Variants in DENND2C observed in about 807,000 individuals in gnomAD.
DENND2C encodes the protein DENN domain-containing protein 2C.
Under a neutral mutation model 112.4 loss-of-function variants are expected in DENND2C, and 72 were observed. The ratio of observed to expected loss-of-function variants is 0.64; its 90% CI spans 0.53 to 0.78. The LOEUF (loss-of-function observed/expected upper bound fraction) is 0.78, where lower values mean the gene tolerates loss of function less well. Among genes scored for constraint, DENND2C ranks in the 30% least tolerant of loss-of-function variants. The probability of loss-of-function intolerance (pLI) is 0.00; values close to 1 mark genes in which losing one functional copy is unlikely to be tolerated. For synonymous variants in DENND2C, 329 were observed against 381.6 expected, an observed-to-expected ratio of 0.86 and a Z score of 1.61; for missense variants, 992 against 1,113.8, an observed-to-expected ratio of 0.89 and a Z score of 1.56.
intron 3 of DENND2C, among the ~76,000 whole-genome samples, chr1:114,627,339 G>A (rs1656372108): frequency 6.6e-6 from 1 of 152,172 alleles, no homozygotes; most frequent in Non-Finnish European, 1.5e-5. Flanking sequence ...TCCTGAGGCA[G>A]GGATCATCCT....
At chr1:114,602,259 A>G (rs1343202385) in intron 11 of DENND2C, 65 bp from the exon 12 acceptor site, 1 of 1,515,532 alleles carries the variant, frequency 6.6e-7, no homozygotes, top group African/African-American at 1.4e-5. Context: ...TCCATGGAAC[A>G]AACAATTGAA....
chr1:114,633,455 A>G (rs1475639152), intron 3 of DENND2C, among the ~76,000 whole-genome samples: 18 of 150,320 alleles, frequency 1.2e-4, no homozygotes, highest in Middle Eastern at 3.4e-3. Flanking sequence ...AAAAAAAAAA[A>G]AAAAAAAGAA....
intron 8 of DENND2C, among the ~76,000 whole-genome samples, chr1:114,616,128 G>A (rs746759181): frequency 6.6e-6 from 1 of 151,866 alleles, no homozygotes; most frequent in Admixed American, 6.6e-5. Context: ...GGTGGCTCAT[G>A]CCTGTAATCC....
At chr1:114,596,885 A>T (rs907859238) in intron 16 of DENND2C, among the ~76,000 whole-genome samples, 1 of 152,164 alleles carries the variant, frequency 6.6e-6, no homozygotes, top group Middle Eastern at 3.2e-3. Flanking sequence ...ACTTCACATT[A>T]TACACACAAA....
intron 9 of DENND2C, among the ~76,000 whole-genome samples, chr1:114,610,545 C>T (rs1467050239): frequency 6.6e-6 from 1 of 151,942 alleles, no homozygotes; most frequent in Non-Finnish European, 1.5e-5. Context: ...ACTAAAAATA[C>T]AAAAATTAGC....
At chr1:114,626,802 G>A (rs1225613334) in intron 3 of DENND2C, among the ~76,000 whole-genome samples, 2 of 151,814 alleles carry the variant, frequency 1.3e-5, no homozygotes, top group Non-Finnish European at 2.9e-5. Context: ...ATGAGGTACC[G>A]CACCCAGGCA....
chr1:114,607,358 T>C (rs1192254627), intron 10 of DENND2C, among the ~76,000 whole-genome samples: 2 of 152,198 alleles, frequency 1.3e-5, no homozygotes, highest in East Asian at 1.9e-4. Flanking sequence ...GTAACTACAC[T>C]GGTCACCTGC....
chr1:114,621,758 A>AT, intron 7 of DENND2C, 137 bp downstream of exon 7: 2 of 1,184,190 alleles, frequency 1.7e-6, no homozygotes, highest in Non-Finnish European at 2.3e-6. Flanking sequence ...AATTTAAAAC[A>AT]TAACGCTGCC....
intron 5 of DENND2C, among the ~76,000 whole-genome samples, 187 bp downstream of exon 5, chr1:114,623,320 G>A (rs2101665187): frequency 6.6e-6 from 1 of 152,268 alleles, no homozygotes; most frequent in East Asian, 1.9e-4. Context: ...TATAAGCTGA[G>A]CAGTCTATCA....
intron 3 of DENND2C, among the ~76,000 whole-genome samples, chr1:114,632,365 G>A (rs1656513968): frequency 6.6e-6 from 1 of 151,840 alleles, no homozygotes; most frequent in African/African-American, 2.4e-5. Flanking sequence ...CCATAACCAA[G>A]TTGCTAAAAA....
intron 1 of DENND2C, among the ~76,000 whole-genome samples, chr1:114,664,763 C>G (rs959045736): frequency 1.3e-5 from 2 of 149,660 alleles, no homozygotes; most frequent in African/African-American, 4.9e-5. Flanking sequence ...CAGGTGTGAG[C>G]CACTGTGCCT....
intron 15 of DENND2C, 128 bp from the exon 16 acceptor site, chr1:114,599,579 C>CATTA: frequency 1.4e-6 from 1 of 723,210 alleles, no homozygotes; most frequent in Non-Finnish European, 2.0e-6. Context: ...TGCAAACAGT[C>CATTA]ATTAATTTTT....
In DENND2C at chr1:114,611,133, G is replaced by T; in HGVS notation, c.1325-16C>A. 1.2e-6 allele frequency: 2 copies of T among 1,614,020 alleles called. No homozygotes were observed. The highest frequency in any genetic ancestry group is 8.5e-7 in the Non-Finnish European group (1 of 1,179,964). Reference sequence around the variant, plus strand: ...CTGGTTTCACCTGAAAAGAGAGAAGGAGTTTCCATTTGTATTGTCCAACAG... The same window carrying T: ...CTGGTTTCACCTGAAAAGAGAGAAGTAGTTTCCATTTGTATTGTCCAACAG... On this transcript the variant is annotated splice_polypyrimidine_tract_variant and intron_variant, in intron 8 of 20. Coordinates refer to ENST00000393274, the MANE Select transcript of DENND2C (RefSeq NM_001256404.2).
At chr1:114,603,366 T>G (rs1441674680) in intron 11 of DENND2C, among the ~76,000 whole-genome samples, 1 of 152,008 alleles carries the variant, frequency 6.6e-6, no homozygotes, top group Non-Finnish European at 1.5e-5. Flanking sequence ...CTCGAACTCC[T>G]GACCTCAGGT....
Position 114,625,730 on chromosome 1 carries a change from T to G in DENND2C, c.255A>C (p.Glu85Asp). 6.2e-7 allele frequency: 1 copy of G among 1,614,132 alleles called. No homozygotes were observed. The highest frequency in any genetic ancestry group is 8.5e-7 in the Non-Finnish European group (1 of 1,180,018). ...CACTTTGATCATGGCTTTTGGTATT[T>G]TCATTTATATCTAGACCCACATTTT... ...SRENVGLDIN[E>D]NTKSHDQSEN... Residue 85 changes from glutamate (E) to aspartate (D), a missense_variant, in exon 4 of 21, where the codon GAA (glutamate) becomes GAC (aspartate). Physicochemically the swap from Glu to Asp is conservative, Grantham distance 45. Around this residue, in one of 3 missense-constraint regions of DENND2C, gnomAD observed 470 missense variants for 472.7 expected, o/e 0.99. Transcript: ENST00000393274.
intron 2 of DENND2C, among the ~76,000 whole-genome samples, chr1:114,645,924 T>G (rs1235719324): frequency 6.6e-6 from 1 of 152,004 alleles, no homozygotes; most frequent in Non-Finnish European, 1.5e-5. Flanking sequence ...GAAAAACAAT[T>G]TCTCATTCTT....
intron 2 of DENND2C, among the ~76,000 whole-genome samples, chr1:114,646,011 C>T (rs564045489): frequency 2.0e-5 from 3 of 152,030 alleles, no homozygotes; most frequent in Admixed American, 2.0e-4. Flanking sequence ...ACTGCAAGCT[C>T]TGCCTCCCGG....
intron 17 of DENND2C, among the ~76,000 whole-genome samples, 196 bp from the exon 18 acceptor site, chr1:114,594,774 T>C (rs1655296938): frequency 6.6e-6 from 1 of 152,202 alleles, no homozygotes; most frequent in East Asian, 1.9e-4. Context: ...ATTAAAAAAA[T>C]ATATACTTTG....
Position 114,585,933 on chromosome 1 carries a change from A to T in DENND2C, c.2756-302T>A, listed in dbSNP as rs532102462. On this transcript the variant is annotated intron_variant, in intron 20 of 20. Transcript: ENST00000393274. ...AGAGATTTCCTGGAGCCCAGGGGAAAATTTTTTTTAAGTTCTCTGGAAATT... is the reference window on the plus strand; with the variant it reads ...AGAGATTTCCTGGAGCCCAGGGGAATATTTTTTTTAAGTTCTCTGGAAATT... 5.3e-5 allele frequency among the ~76,000 whole-genome samples: 8 copies of T among 152,198 alleles called. No individual in the cohort carries two copies. In the East Asian group the frequency reaches 1.5e-3, roughly 29 times the overall value.
Sources: allele counts gnomAD v4.1 joint callset (sites outside exome capture counted in the v4.1 genomes callset), GRCh38; gene constraint gnomAD v4.1.1; regional missense constraint gnomAD v4.1.1; transcripts MANE v1.5; gene names NCBI Gene and HGNC (gene_info 2026-07-23, HGNC 2026-07-21).